The following PCDHA3 variants were observed in gnomAD, a reference collection of about 807,000 sequenced individuals.
PCDHA3 encodes the protein protocadherin alpha 3, also known as protocadherin alpha-3.
Under a neutral mutation model 62.2 loss-of-function variants are expected in PCDHA3, and 41 were observed. That is an observed-to-expected ratio of 0.66 (90% CI 0.51 to 0.86). The LOEUF (loss-of-function observed/expected upper bound fraction) is 0.86. Ranked by LOEUF, PCDHA3 falls within the 40% of genes least tolerant of loss-of-function variation. PCDHA3 has a pLI of 0.00. For missense variants in PCDHA3, 1,304 were observed against 1,241.2 expected, an observed-to-expected ratio of 1.05 and a Z score of -0.76; for synonymous variants, 640 against 555.4, an observed-to-expected ratio of 1.15 and a Z score of -2.14.
intron 1 of PCDHA3, chr5:140,851,749 A>C (rs2042149157): frequency 1.0e-6 from 1 of 971,858 alleles, no homozygotes; most frequent in African/African-American, 1.8e-5. Context: ...CAGAGTCTGT[A>C]ACTTAAAACA....
At chr5:140,903,500 G>C (rs553764100) in intron 1 of PCDHA3, among the ~76,000 whole-genome samples, 5 of 152,184 alleles carry the variant, frequency 3.3e-5, no homozygotes, top group Non-Finnish European at 7.3e-5. Flanking sequence ...AGGTACCATA[G>C]ATAATAGTTC....
intron 1 of PCDHA3, among the ~76,000 whole-genome samples, chr5:140,872,635 C>T (rs1172137990): frequency 6.6e-6 from 1 of 152,028 alleles, no homozygotes; most frequent in Non-Finnish European, 1.5e-5. Context: ...GATTTTGTTC[C>T]ATGAAAAGGC....
At chr5:140,999,973 C>A (rs1370727292) in intron 3 of PCDHA3, among the ~76,000 whole-genome samples, 2 of 152,082 alleles carry the variant, frequency 1.3e-5, no homozygotes, top group African/African-American at 4.8e-5. Context: ...AGTAGCAGCT[C>A]TAGCGGCCTC....
chr5:140,950,685 A>T (rs947460709), intron 1 of PCDHA3, among the ~76,000 whole-genome samples: 3 of 152,082 alleles, frequency 2.0e-5, no homozygotes, highest in Non-Finnish European at 4.4e-5. Context: ...GTATATTGTT[A>T]ACCAAATTTG....
chr5:141,002,879 A>G (rs2098100373), intron 3 of PCDHA3, among the ~76,000 whole-genome samples: 1 of 152,228 alleles, frequency 6.6e-6, no homozygotes, highest in Non-Finnish European at 1.5e-5. Flanking sequence ...TCAAGAACAG[A>G]AAGAGAACAA....
intron 1 of PCDHA3, among the ~76,000 whole-genome samples, chr5:140,894,606 T>C (rs1305424119): frequency 6.6e-6 from 1 of 152,022 alleles, no homozygotes; most frequent in Non-Finnish European, 1.5e-5. Context: ...CTCATCTCTC[T>C]TTTCAAAGCT....
intron 1 of PCDHA3, 168 bp from the exon 2 acceptor site, chr5:140,978,781 A>G (rs4461687): frequency 4.1e-6 from 4 of 969,772 alleles, no homozygotes; most frequent in South Asian, 4.8e-5. Context: ...ATTTTCTTCT[A>G]AAGTGCTATA....
At chr5:140,819,483 A>C (rs1319198819) in intron 1 of PCDHA3, among the ~76,000 whole-genome samples, 1 of 152,184 alleles carries the variant, frequency 6.6e-6, no homozygotes, top group Non-Finnish European at 1.5e-5. Flanking sequence ...AATGATGCTT[A>C]AACATGACTG....
chr5:140,839,096 G>T (rs1372259471), intron 1 of PCDHA3, among the ~76,000 whole-genome samples: 2 of 151,884 alleles, frequency 1.3e-5, no homozygotes, highest in Admixed American at 6.6e-5. Context: ...ATAATCAATA[G>T]AATTATTTAC....
chr5:140,890,220 C>A (rs955015481), intron 1 of PCDHA3, among the ~76,000 whole-genome samples: 18 of 152,044 alleles, frequency 1.2e-4, no homozygotes, highest in Non-Finnish European at 2.6e-4. Flanking sequence ...TCCCAGAGAC[C>A]TAGTTGTTAA....
chr5:140,838,779 A>G (rs1039097840), intron 1 of PCDHA3, among the ~76,000 whole-genome samples: 2 of 152,056 alleles, frequency 1.3e-5, no homozygotes, highest in Admixed American at 6.5e-5. Flanking sequence ...AAAATTAGCT[A>G]TGCATGGTGA....
intron 1 of PCDHA3, chr5:140,967,680 GGCAGCTCTTCA>G: frequency 6.2e-7 from 1 of 1,614,228 alleles, no homozygotes; most frequent in East Asian, 2.2e-5. Flanking sequence ...GACCGGGAGA[GGCAGCTCTTCA>G]GCATAGATGC....
At chr5:141,004,412 A>G (rs2098165544) in intron 3 of PCDHA3, among the ~76,000 whole-genome samples, 1 of 152,164 alleles carries the variant, frequency 6.6e-6, no homozygotes, top group South Asian at 2.1e-4. Flanking sequence ...ACCTGACTAG[A>G]TCTCTGCCTC....
At chr5:140,910,197 T>C (rs1318749477) in intron 1 of PCDHA3, among the ~76,000 whole-genome samples, 1 of 152,202 alleles carries the variant, frequency 6.6e-6, no homozygotes, top group African/African-American at 2.4e-5. Context: ...TAGTCTTTTG[T>C]CCACTTGACC....
intron 1 of PCDHA3, among the ~76,000 whole-genome samples, chr5:140,833,387 A>G (rs1772434937): frequency 6.6e-6 from 1 of 152,198 alleles, no homozygotes; most frequent in African/African-American, 2.4e-5. Flanking sequence ...AGGATGAAAT[A>G]CCTCAAGACT....
At chr5:140,837,699 G>A (rs1405347707) in intron 1 of PCDHA3, among the ~76,000 whole-genome samples, 3 of 146,052 alleles carry the variant, frequency 2.1e-5, no homozygotes, top group Non-Finnish European at 4.5e-5. Flanking sequence ...TTCAAGACAC[G>A]CTCTCACTCC....
At chr5:140,951,986 C>A (rs2094668313) in intron 1 of PCDHA3, among the ~76,000 whole-genome samples, 2 of 152,166 alleles carry the variant, frequency 1.3e-5, no homozygotes, top group African/African-American at 4.8e-5. Flanking sequence ...AAGGGAAAAA[C>A]CAGCCAAAAG....
In PCDHA3 at chr5:140,818,806, G is replaced by C. The variant is rs2150102424; in HGVS notation, c.2394+15215G>C. Among the ~76,000 whole-genome samples, 6 of 152,310 alleles carry C rather than the reference G, an allele frequency of 3.9e-5. No homozygotes were observed. In the South Asian group the frequency reaches 1.0e-3, roughly 26 times the overall value. On this transcript the variant is annotated intron_variant, in intron 1 of 3. Coordinates refer to ENST00000522353, the MANE Select transcript of PCDHA3 (RefSeq NM_018906.3). ...GACTGTACCACTGCACTCCAGCCTC[G>C]GTCAGAGTGAGACTCTTTGTCACCC...
Position 140,821,852 on chromosome 5 carries a change from G to A in PCDHA3, c.2394+18261G>A, listed in dbSNP as rs1554128268. On this transcript the variant is annotated intron_variant, in intron 1 of 3. Transcript: ENST00000522353. ...CTTCTCCTTGCCTACTGGAAGGCAG[G>A]GAGCGGCCAGCTCCACTACTCGATC... The A allele has an allele frequency of 3.7e-6, 6 of 1,614,200 alleles. No homozygotes were observed. In the Middle Eastern group the frequency reaches 4.9e-4, roughly 133 times the overall value.
Sources: allele counts gnomAD v4.1 joint callset (sites outside exome capture counted in the v4.1 genomes callset), GRCh38; gene constraint gnomAD v4.1.1; transcripts MANE v1.5; gene names NCBI Gene and HGNC (gene_info 2026-07-23, HGNC 2026-07-21).